The following SLC47A2 variants were observed in gnomAD, a reference collection of about 807,000 sequenced individuals.
The protein encoded by SLC47A2 is solute carrier family 47 member 2.
A neutral mutation model predicts 67.7 loss-of-function variants in SLC47A2; 52 were observed. The observed-to-expected ratio is 0.77, with a 90% CI of 0.61 to 0.97. The LOEUF (loss-of-function observed/expected upper bound fraction) is 0.97, where lower values mean the gene tolerates loss of function less well. SLC47A2 is among the 50% of genes least tolerant of loss of function. SLC47A2 has a pLI of 0.00. For synonymous variants in SLC47A2, 278 were observed against 292.9 expected (o/e 0.95, Z 0.52); for missense variants, 676 against 712.3 (o/e 0.95, Z 0.58).
chr17:19,685,286 C>T lies in SLC47A2; in HGVS notation c.1165-3616G>A, dbSNP rs867150035. Among the ~76,000 whole-genome samples the T allele has an allele frequency of 1.6e-4, 24 of 152,226 alleles. No individual in the cohort carries two copies. Among genetic ancestry groups the T allele is most frequent in the Non-Finnish European group, 2.8e-4 (19 of 68,024 alleles). ...GCCACCCCATCTAGGAAGTGAGCAG[C>T]GTCTCTGCTTGGCTGCCCATCGTCT... is the stretch of plus-strand genomic sequence containing the variant. On this transcript the variant is annotated intron_variant, in intron 13 of 16. Coordinates refer to ENST00000433844, the MANE Select transcript of SLC47A2 (RefSeq NM_001099646.3). The surrounding 1 kb of genome is among the most constrained non-coding windows in gnomAD (Gnocchi z 4.5).
intron 13 of SLC47A2, among the ~76,000 whole-genome samples, chr17:19,698,297 G>A (rs1030244641): frequency 9.9e-5 from 15 of 152,134 alleles, no homozygotes; most frequent in African/African-American, 3.6e-4. Flanking sequence ...AATGGCTACT[G>A]TGTTTCAGAC....
Position 19,678,823 on chromosome 17 carries a change from C to T in SLC47A2, c.1564G>A (p.Glu522Lys), listed in dbSNP as rs1462750228. 1.9e-6 allele frequency: 3 copies of T among 1,613,718 alleles called. No homozygotes were observed. Among genetic ancestry groups the T allele is most frequent in the East Asian group, 2.2e-5 (1 of 44,878 alleles). ...CHVDFFRTPE[E>K]AHALSAPTSR... ...GTAGGAGCTGAAAGGGCGTGGGCCT[C>T]CTCTGGAGTCCTGAAGAAGTCCACG... The change falls in exon 17 of 17, where the codon GAG (glutamate) becomes AAG (lysine). Residue 522 changes from glutamate to lysine, a missense_variant. Physicochemically the swap from Glu to Lys is moderately conservative, Grantham distance 56 (BLOSUM62 1). Transcript: ENST00000433844.
intron 13 of SLC47A2, among the ~76,000 whole-genome samples, chr17:19,688,360 A>C (rs2085470992): frequency 6.6e-6 from 1 of 150,760 alleles, no homozygotes; most frequent in Non-Finnish European, 1.5e-5. Flanking sequence ...TAGGAGGAAC[A>C]TTAACACAAT....
At position 19,681,569 on chromosome 17, in the gene SLC47A2, A is replaced by G. The variant is rs1567614165; in HGVS notation, c.1266T>C (p.Leu422=). 2 of 1,614,206 alleles carry G rather than the reference A, an allele frequency of 1.2e-6. No individual in the cohort carries two copies. The highest frequency in any genetic ancestry group is 2.2e-5 in the East Asian group (1 of 44,870). ...YYIIGLPLGI[L]LTFVVRMRIM... is the part of the protein sequence containing the mutation. ...TTCTCATTCTGACCACAAAGGTCAG[A>G]AGGATGCCCAGTGGTAGGCCGATGA... The change falls in exon 14 of 17, where the codon CTT becomes CTC. Residue 422 remains leucine (L), a synonymous_variant. Coordinates refer to ENST00000433844, the MANE Select transcript of SLC47A2 (RefSeq NM_001099646.3).
chr17:19,683,494 C>T (rs2085358382), intron 13 of SLC47A2, among the ~76,000 whole-genome samples: 1 of 152,080 alleles, frequency 6.6e-6, no homozygotes. Context: ...GTGGACTAGG[C>T]AGGGATTTAA....
At chr17:19,692,297 A>G (rs1247652209) in intron 13 of SLC47A2, 1 of 439,094 alleles carries the variant, frequency 2.3e-6, no homozygotes, top group Non-Finnish European at 4.5e-6. Context: ...TGATCTTGGT[A>G]AAATAAAACC....
At position 19,681,667 on chromosome 17, in the gene SLC47A2, C is replaced by T. The variant is rs1378275460; in HGVS notation, c.1168G>A (p.Val390Ile). 8.7e-6 allele frequency: 14 copies of T among 1,611,432 alleles called. No individual in the cohort carries two copies. In the African/African-American group the frequency reaches 1.7e-4, roughly 20 times the overall value. The change falls in exon 14 of 17, where the codon GTC becomes ATC. Residue 390 changes from valine to isoleucine, a missense_variant. Coordinates refer to ENST00000433844, the MANE Select transcript of SLC47A2 (RefSeq NM_001099646.3). ...VFHVFEAICC[V>I]YGGVLRGTGK... ...GTTCCTCTCAGAACTCCGCCATAGA[C>T]ACACTAGGAGGGGAGACAGAAATGG... is the stretch of plus-strand genomic sequence containing the variant.
intron 8 of SLC47A2, 67 bp from the exon 9 acceptor site, chr17:19,706,828 G>C (rs2085952956): frequency 2.4e-6 from 3 of 1,258,722 alleles, no homozygotes; most frequent in Non-Finnish European, 3.4e-6. Flanking sequence ...GCTCCCCACT[G>C]CCAGGAGGCC....
Position 19,715,194 on chromosome 17 carries a change from A to C in SLC47A2, c.147T>G (p.Phe49Leu), listed in dbSNP as rs2086219970. Reference sequence around the variant, plus strand: ...ACACAGTGCTCACGATGTAGATCATAAAAGTCAGCACCTGGAACAGGAACT... The same window carrying C: ...ACACAGTGCTCACGATGTAGATCATCAAAGTCAGCACCTGGAACAGGAACT... Reference protein sequence around the residue: ...GPLFLFQVLTFMIYIVSTVFC... With the variant: ...GPLFLFQVLTLMIYIVSTVFC... Residue 49 changes from phenylalanine (F) to leucine (L), a missense_variant, in exon 2 of 17, where the codon TTT (phenylalanine) becomes TTG (leucine). By Grantham distance (22) the Phe-to-Leu change is conservative (BLOSUM62 0). Coordinates refer to ENST00000433844, the MANE Select transcript of SLC47A2 (RefSeq NM_001099646.3). 3 of 1,611,104 alleles carry C rather than the reference A, an allele frequency of 1.9e-6. No homozygotes were observed. The highest frequency in any genetic ancestry group is 1.7e-6 in the Non-Finnish European group (2 of 1,179,990).
At chr17:19,701,218 C>G (rs553286929) in intron 13 of SLC47A2, among the ~76,000 whole-genome samples, 1 of 150,786 alleles carries the variant, frequency 6.6e-6, no homozygotes, top group South Asian at 2.1e-4. Flanking sequence ...CAATAATGGG[C>G]TCCATAAAGT....
At chr17:19,679,877 C>A (rs1739637123) in intron 16 of SLC47A2, 75 bp downstream of exon 16, 5 of 1,431,216 alleles carry the variant, frequency 3.5e-6, no homozygotes, top group Non-Finnish European at 4.8e-6. Context: ...GCATGAGGCA[C>A]AGAGGGCAGA....
intron 9 of SLC47A2, among the ~76,000 whole-genome samples, 171 bp downstream of exon 9, chr17:19,706,477 T>C (rs111402725): frequency 0.026 from 3,903 of 152,224 alleles, 168 homozygotes; most frequent in African/African-American, 0.089. Flanking sequence ...GGCAGTGGTG[T>C]TCTCTGGGTC....
chr17:19,702,151 AC>A (rs1203849198), intron 13 of SLC47A2: 1 of 984,992 alleles, frequency 1.0e-6, no homozygotes, highest in African/African-American at 1.7e-5. Flanking sequence ...GTGTTAAATG[AC>A]ACCTGTCCTT....
chr17:19,708,365 A>C lies in SLC47A2; in HGVS notation c.566T>G (p.Val189Gly). ...GGCCACACCGTTGACACAGTTGCCC[A>C]CCACACCACTGAGGACTTGGGGCCA... ...ITWPQVLSGVVGNCVNGVANY... is the reference protein window; with the variant it reads ...ITWPQVLSGVGGNCVNGVANY... Residue 189 changes from valine to glycine, a missense_variant, in exon 7 of 17, where the codon GTG becomes GGG. Coordinates refer to ENST00000433844, the MANE Select transcript of SLC47A2 (RefSeq NM_001099646.3). The C allele has an allele frequency of 6.2e-7, 1 of 1,614,040 alleles. No homozygotes were observed. The highest frequency in any genetic ancestry group is 8.5e-7 in the Non-Finnish European group (1 of 1,180,034).
chr17:19,712,690 C>T lies in SLC47A2; in HGVS notation c.486+13G>A. ...GGAATGTGATTCCACGCTCAGCAAA[C>T]AGGGGCACCTACCGGAAGTCCTGGA... On this transcript the variant is annotated intron_variant, in intron 5 of 16. Coordinates refer to ENST00000433844, the MANE Select transcript of SLC47A2 (RefSeq NM_001099646.3). 6.2e-7 allele frequency: 1 copy of T among 1,612,868 alleles called. No individual in the cohort carries two copies. Among genetic ancestry groups the T allele is most frequent in the Non-Finnish European group, 8.5e-7 (1 of 1,179,644 alleles).
intron 13 of SLC47A2, among the ~76,000 whole-genome samples, chr17:19,695,812 C>G (rs2085651281): frequency 6.6e-6 from 1 of 151,744 alleles, no homozygotes; most frequent in Non-Finnish European, 1.5e-5. Flanking sequence ...CAACTTCCAC[C>G]TCCCAGGTTC....
intron 15 of SLC47A2, among the ~76,000 whole-genome samples, chr17:19,680,871 T>C (rs2085297090): frequency 6.6e-6 from 1 of 152,206 alleles, no homozygotes; most frequent in African/African-American, 2.4e-5. Context: ...ATGCTTCTTA[T>C]ACTGGCCAAT....
chr17:19,685,261 G>A lies in SLC47A2; in HGVS notation c.1165-3591C>T, dbSNP rs886164297. ...CTAAGATTACAGCCTCTGCCCGCCCGCCACCCCATCTAGGAAGTGAGCAGC... is the reference window on the plus strand; with the variant it reads ...CTAAGATTACAGCCTCTGCCCGCCCACCACCCCATCTAGGAAGTGAGCAGC... On this transcript the variant is annotated intron_variant, in intron 13 of 16. Coordinates refer to ENST00000433844, the MANE Select transcript of SLC47A2 (RefSeq NM_001099646.3). The surrounding 1 kb of genome is among the most constrained non-coding windows in gnomAD (Gnocchi z 4.5). Among the ~76,000 whole-genome samples the A allele has an allele frequency of 2.6e-5, 4 of 152,154 alleles. No individual in the cohort carries two copies. Among genetic ancestry groups the A allele is most frequent in the Non-Finnish European group, 5.9e-5 (4 of 68,000 alleles).
rs183117921 is a variant in SLC47A2, at chr17:19,697,063, G to A, written c.1164+5542C>T. On this transcript the variant is annotated intron_variant, in intron 13 of 16. Coordinates refer to ENST00000433844, the MANE Select transcript of SLC47A2 (RefSeq NM_001099646.3). ...TCCCAGCACTCTGGGAGGCTGAGGC[G>A]GGCGGATGACGAGGTCAGGAGTTCG... Among the ~76,000 whole-genome samples the A allele has an allele frequency of 4.7e-3, 717 of 152,232 alleles. 2 individuals carry two copies. The highest frequency in any genetic ancestry group is 0.016 in the African/African-American group (681 of 41,528).
Sources: allele counts gnomAD v4.1 joint callset (sites outside exome capture counted in the v4.1 genomes callset), GRCh38; gene constraint gnomAD v4.1.1; non-coding constraint Gnocchi (gnomAD v3.1); transcripts MANE v1.5; gene names NCBI Gene and HGNC (gene_info 2026-07-23, HGNC 2026-07-21).